Variants in EYS observed in about 807,000 individuals in gnomAD.
The protein encoded by EYS is EGF-like photoreceptor maintenance factor, also known as protein eyes shut homolog.
Under a neutral mutation model 282.1 loss-of-function variants are expected in EYS, and 250 were observed. That is an observed-to-expected ratio of 0.89 (90% CI 0.80 to 0.98). The LOEUF is 0.98. Ranked by LOEUF, EYS falls within the 50% of genes least tolerant of loss-of-function variation. EYS has a pLI of 0.00. For missense variants in EYS, 4,016 were observed against 3,709.0 expected (o/e 1.08, Z -2.15); for synonymous variants, 1,355 against 1,282.9 (o/e 1.06, Z -1.20).
At position 64,215,342 on chromosome 6, in the gene EYS, C is replaced by T. The variant is rs189019880; in HGVS notation, c.6424+15250G>A. Among the ~76,000 whole-genome samples, 69 of 151,532 alleles carry T rather than the reference C, an allele frequency of 4.6e-4. 1 individual carries two copies. The East Asian group carries it at 0.012, about 27-fold the overall frequency. ...TTTTTTCAAGTGTATTTGTAAATAT[C>T]GTAGTCCAAATATTTTATACTTGAT... On this transcript the variant is annotated intron_variant, in intron 31 of 42. Transcript: ENST00000503581.
chr6:65,148,231 C>T (rs1157033440), intron 12 of EYS, among the ~76,000 whole-genome samples: 2 of 152,106 alleles, frequency 1.3e-5, no homozygotes, highest in Admixed American at 1.3e-4. Context: ...AGGCAAGACC[C>T]TTCTGCCTAT....
chr6:63,909,105 A>C (rs1030090541), intron 35 of EYS, among the ~76,000 whole-genome samples: 1 of 152,198 alleles, frequency 6.6e-6, no homozygotes, highest in Non-Finnish European at 1.5e-5. Context: ...AAGGGGATGC[A>C]TATGCGAAGA....
chr6:64,357,783 T>C (rs529451872), intron 29 of EYS, among the ~76,000 whole-genome samples: 137 of 151,702 alleles, frequency 9.0e-4, no homozygotes, highest in African/African-American at 3.1e-3. Flanking sequence ...ACATTAAAAG[T>C]GTGGTGGCTG....
At chr6:64,698,410 T>C (rs995004045) in intron 22 of EYS, among the ~76,000 whole-genome samples, 1 of 151,870 alleles carries the variant, frequency 6.6e-6, no homozygotes, top group South Asian at 2.1e-4. Context: ...ATAAACAAAA[T>C]TAAAAGACCA....
chr6:64,246,177 CT>C (rs35008552), intron 30 of EYS, among the ~76,000 whole-genome samples: 51,500 of 146,566 alleles, frequency 0.35, 8,853 homozygotes, highest in East Asian at 0.54. Context: ...CTTAGGCATC[CT>C]TTTTTTTTTT....
intron 19 of EYS, among the ~76,000 whole-genome samples, chr6:64,880,291 C>T (rs2146758): frequency 0.55 from 83,867 of 151,630 alleles, 23,972 homozygotes; most frequent in Non-Finnish European, 0.62. Flanking sequence ...GGTGCTTCCC[C>T]TATTTAATTT....
rs556054898 is a variant in EYS, at chr6:65,172,861, A to G, written c.2024-115134T>C. ...GTATCTTGAGCTCTGTAATTAAAAC[A>G]TAGAAGACATAGTATGCTTGACATG... is the stretch of plus-strand genomic sequence containing the variant. On this transcript the variant is annotated intron_variant, in intron 12 of 42. Transcript: ENST00000503581. Among the ~76,000 whole-genome samples the G allele has an allele frequency of 7.7e-4, 117 of 151,368 alleles. 1 individual carries two copies. The highest frequency in any genetic ancestry group is 2.7e-3 in the African/African-American group (113 of 41,466).
rs535316303 is a variant in EYS at position 64,535,432 on chromosome 6, G to A, written c.5644+54791C>T. ...AGTTGTCATACCAAAATTACCTTGG[G>A]TCTACAATCACAAAATTAAAATCAG... On this transcript the variant is annotated intron_variant, in intron 26 of 42. Coordinates refer to ENST00000503581, the MANE Select transcript of EYS (RefSeq NM_001142800.2). Among the ~76,000 whole-genome samples, 21 of 152,152 alleles carry A rather than the reference G, an allele frequency of 1.4e-4. No individual in the cohort carries two copies. In the South Asian group the frequency reaches 4.3e-3, roughly 32 times the overall value.
At chr6:64,937,249 T>G (rs561722955) in intron 15 of EYS, among the ~76,000 whole-genome samples, 1 of 151,632 alleles carries the variant, frequency 6.6e-6, no homozygotes, top group South Asian at 2.1e-4. Flanking sequence ...GACAACAATT[T>G]CTTAGCTATG....
intron 22 of EYS, among the ~76,000 whole-genome samples, chr6:64,627,823 T>C (rs969435708): frequency 1.3e-5 from 2 of 152,196 alleles, no homozygotes; most frequent in Non-Finnish European, 2.9e-5. Flanking sequence ...CTCACGCCTG[T>C]AATCCCAGCA....
rs555711715 is a variant in EYS, at chr6:64,333,976, C to T, written c.6079-26894G>A. On this transcript the variant is annotated intron_variant, in intron 29 of 42. Transcript: ENST00000503581. ...CCCGAATTTGCTACAAAATTCAGTG[C>T]AAATCCAAGTGTTTAGCTATTAAGG... 1.6e-4 allele frequency among the ~76,000 whole-genome samples: 25 copies of T among 152,256 alleles called. No homozygotes were observed. In the South Asian group the frequency reaches 2.5e-3, roughly 15 times the overall value.
chr6:65,004,675 G>A lies in EYS; in HGVS notation c.2138-6972C>T, dbSNP rs79073881. ...AACTTGGAAAAGAAAGAATCAAAGT[G>A]CCAATGCTTATTGAATGAACCAATT... On this transcript the variant is annotated intron_variant, in intron 13 of 42. Transcript: ENST00000503581. Among the ~76,000 whole-genome samples, 7 of 147,610 alleles carry A rather than the reference G, an allele frequency of 4.7e-5. 1 individual carries two copies. Among genetic ancestry groups the A allele is most frequent in the Admixed American group, 2.0e-4 (3 of 14,874 alleles).
intron 36 of EYS, among the ~76,000 whole-genome samples, chr6:63,854,921 T>C (rs1217814599): frequency 6.6e-5 from 10 of 152,078 alleles, no homozygotes; most frequent in Non-Finnish European, 1.5e-5. Flanking sequence ...GTAGACCTCA[T>C]GAAACCCACA....
At chr6:65,442,980 A>G (rs1373158195) in intron 5 of EYS, among the ~76,000 whole-genome samples, 2 of 151,704 alleles carry the variant, frequency 1.3e-5, no homozygotes, top group Non-Finnish European at 2.9e-5. Flanking sequence ...ATGTATATAT[A>G]CATATGTGCG....
At chr6:64,876,737 A>T (rs1291091575) in intron 19 of EYS, among the ~76,000 whole-genome samples, 2 of 152,124 alleles carry the variant, frequency 1.3e-5, no homozygotes, top group African/African-American at 4.8e-5. Flanking sequence ...AGCCTGATAA[A>T]ATAATACAGA....
At chr6:65,232,247 T>C (rs1320704445) in intron 12 of EYS, among the ~76,000 whole-genome samples, 3 of 151,964 alleles carry the variant, frequency 2.0e-5, no homozygotes, top group Non-Finnish European at 1.5e-5. Flanking sequence ...AGATATAATG[T>C]CCAAAATTAA....
intron 12 of EYS, among the ~76,000 whole-genome samples, chr6:65,204,813 A>G (rs913929951): frequency 1.5e-4 from 21 of 135,644 alleles, no homozygotes; most frequent in East Asian, 5.9e-4. Flanking sequence ...CTGGAAGAAC[A>G]TATTTATATA....
chr6:65,061,031 A>G (rs558219594), intron 12 of EYS, among the ~76,000 whole-genome samples: 219 of 152,000 alleles, frequency 1.4e-3, no homozygotes, highest in African/African-American at 5.1e-3. Flanking sequence ...TAACAAAATA[A>G]TAAAATTCCA....
At chr6:65,083,449 T>A (rs1218774441) in intron 12 of EYS, among the ~76,000 whole-genome samples, 1 of 152,060 alleles carries the variant, frequency 6.6e-6, no homozygotes, top group Non-Finnish European at 1.5e-5. Flanking sequence ...GAAGTTGTGA[T>A]ACATTTAGAA....
Sources: allele counts gnomAD v4.1 joint callset (sites outside exome capture counted in the v4.1 genomes callset), GRCh38; gene constraint gnomAD v4.1.1; transcripts MANE v1.5; gene names NCBI Gene and HGNC (gene_info 2026-07-23, HGNC 2026-07-21).